The following PATJ variants were observed in gnomAD, a reference collection of about 807,000 sequenced individuals.
PATJ encodes the protein PATJ crumbs cell polarity complex component.
Under a neutral mutation model 224.9 loss-of-function variants are expected in PATJ, and 190 were observed. The ratio of observed to expected loss-of-function variants is 0.84; its 90% CI spans 0.75 to 0.95. The LOEUF is 0.95. Ranked by LOEUF, PATJ falls within the 40% of genes least tolerant of loss-of-function variation. The probability of loss-of-function intolerance (pLI) is 0.00; values close to 1 mark genes in which losing one functional copy is unlikely to be tolerated. For synonymous variants in PATJ, 769 were observed against 820.3 expected, an observed-to-expected ratio of 0.94 and a Z score of 1.07; for missense variants, 2,121 against 2,270.3, an observed-to-expected ratio of 0.93 and a Z score of 1.34.
intron 1 of PATJ, 73 bp from the exon 2 acceptor site, chr1:61,762,785 C>T (rs1414078450): frequency 1.5e-6 from 1 of 651,406 alleles, no homozygotes; most frequent in Non-Finnish European, 2.6e-6. Context: ...TGAGGTTTTC[C>T]TTAATTTTTC....
intron 16 of PATJ, among the ~76,000 whole-genome samples, chr1:61,827,798 T>C (rs971955819): frequency 2.0e-5 from 3 of 152,248 alleles, no homozygotes; most frequent in African/African-American, 7.2e-5. Context: ...GCAACATTGA[T>C]GCACATGGAT....
chr1:61,991,717 A>C, intron 28 of PATJ: 39 of 984,328 alleles, frequency 4.0e-5, no homozygotes, highest in Non-Finnish European at 4.7e-5. Context: ...ATTGGGTCGT[A>C]ACACTGACTA....
At chr1:61,871,314 C>T (rs1407704721) in intron 20 of PATJ, among the ~76,000 whole-genome samples, 5 of 130,228 alleles carry the variant, frequency 3.8e-5, no homozygotes, top group Non-Finnish European at 8.6e-5. Context: ...CAGGTTCAAG[C>T]GATTCTCCTG....
chr1:62,101,299 T>C (rs1662144806), intron 33 of PATJ, among the ~76,000 whole-genome samples: 2 of 147,708 alleles, frequency 1.4e-5, no homozygotes, highest in South Asian at 4.7e-4. Flanking sequence ...AGTCTCGCTC[T>C]GTCACCCAGG....
chr1:62,153,679 G>A (rs1036477146), intron 43 of PATJ, among the ~76,000 whole-genome samples, 198 bp downstream of exon 43: 7 of 152,148 alleles, frequency 4.6e-5, no homozygotes, highest in African/African-American at 1.7e-4. Flanking sequence ...CACAAGAAGT[G>A]CAGTCTCCTT....
intron 27 of PATJ, among the ~76,000 whole-genome samples, chr1:61,943,771 C>A (rs1266247897): frequency 6.6e-6 from 1 of 152,166 alleles, no homozygotes; most frequent in Admixed American, 6.5e-5. Flanking sequence ...GATCTGAGAA[C>A]AGACAGACTG....
chr1:61,831,187 C>CAAAAAA, intron 16 of PATJ, among the ~76,000 whole-genome samples: 1 of 65,304 alleles, frequency 1.5e-5, no homozygotes. Context: ...GACTCTGTCT[C>CAAAAAA]AAAAAAAAAA....
chr1:61,811,479 C>T (rs1458999207), intron 14 of PATJ, among the ~76,000 whole-genome samples: 1 of 151,928 alleles, frequency 6.6e-6, no homozygotes, highest in Non-Finnish European at 1.5e-5. Context: ...AAGCCTTGGC[C>T]TCCTAAAGTG....
chr1:61,920,323 T>C (rs1674099336), intron 26 of PATJ, among the ~76,000 whole-genome samples: 1 of 152,096 alleles, frequency 6.6e-6, no homozygotes, highest in Non-Finnish European at 1.5e-5. Context: ...AATTGAATCA[T>C]GGGGGCGGGT....
intron 28 of PATJ, among the ~76,000 whole-genome samples, chr1:61,995,737 G>A (rs987481912): frequency 1.4e-4 from 22 of 152,180 alleles, no homozygotes; most frequent in Admixed American, 6.5e-5. Context: ...ATTTCAAAAG[G>A]CATTAACATA....
chr1:62,088,819 A>G (rs1392317743), intron 33 of PATJ, among the ~76,000 whole-genome samples: 1 of 148,064 alleles, frequency 6.8e-6, no homozygotes, highest in Admixed American at 6.8e-5. Flanking sequence ...TAGAATATAT[A>G]GAACATATAT....
At chr1:62,043,084 GTT>G (rs1301570127) in intron 30 of PATJ, among the ~76,000 whole-genome samples, 7 of 152,282 alleles carry the variant, frequency 4.6e-5, no homozygotes, top group Admixed American at 4.6e-4. Flanking sequence ...GACTATGTGG[GTT>G]TTGGTTTTGG....
chr1:62,035,306 T>C (rs913280668), intron 29 of PATJ, among the ~76,000 whole-genome samples: 1 of 152,238 alleles, frequency 6.6e-6, no homozygotes, highest in Non-Finnish European at 1.5e-5. Context: ...TTCTCCCAAT[T>C]GCTTTGGTTT....
chr1:62,066,166 A>G (rs1384123548), intron 31 of PATJ, among the ~76,000 whole-genome samples: 1 of 152,146 alleles, frequency 6.6e-6, no homozygotes. Context: ...AACAGCAGCT[A>G]ATGCTTTCAT....
chr1:61,829,734 T>A (rs1311719303), intron 16 of PATJ, among the ~76,000 whole-genome samples: 1 of 152,236 alleles, frequency 6.6e-6, no homozygotes, highest in East Asian at 1.9e-4. Flanking sequence ...TCCATCTGTC[T>A]CTTTTTTCAT....
At chr1:62,054,752 T>A (rs1654254598) in intron 31 of PATJ, among the ~76,000 whole-genome samples, 1 of 152,182 alleles carries the variant, frequency 6.6e-6, no homozygotes, top group Admixed American at 6.5e-5. Flanking sequence ...ATTGGCTTAA[T>A]TTTTTTAATA....
intron 24 of PATJ, among the ~76,000 whole-genome samples, chr1:61,905,052 A>G (rs186688641): frequency 3.0e-4 from 45 of 151,106 alleles, no homozygotes; most frequent in Admixed American, 2.0e-3. Context: ...GAGACCCTCT[A>G]TCTACAAAGA....
At position 61,818,732 on chromosome 1, in the gene PATJ, TGTG is replaced by T. The variant is rs747457310; in HGVS notation, c.1684-4209_1684-4207del. ...CACCATTTAAGTTTTCTAGGGAGCA[TGTG>T]GTGTTTACAGATACCTGGGGGAATA... On this transcript the variant is annotated intron_variant, in intron 14 of 43. Coordinates refer to ENST00000642238, the MANE Select transcript of PATJ (RefSeq NM_001350145.3). Among the ~76,000 whole-genome samples, 130 of 152,284 alleles carry T rather than the reference TGTG, an allele frequency of 8.5e-4. 1 individual carries two copies. The highest frequency in any genetic ancestry group is 3.8e-3 in the Admixed American group (58 of 15,296).
rs1134767 is a variant in PATJ at position 61,990,342 on chromosome 1, G to A, written c.3845G>A (p.Arg1282His). 0.42 allele frequency: 670,853 copies of A among 1,609,812 alleles called. 142,474 individuals are homozygous for A. The highest frequency in any genetic ancestry group is 0.51 in the African/African-American group (38,161 of 74,816). The change falls in exon 28 of 44, where the codon CGT (arginine) becomes CAT (histidine). Residue 1282 changes from arginine to histidine, a missense_variant. Arg to His is a conservative substitution (Grantham distance 29). Transcript: ENST00000642238. The stretch of plus-strand genomic sequence containing the variant: ...CCTGCTGCCGCAGATGGACGAATGC[G>A]TATTGGAGATGAACTCTTAGAGGTG... ...EGPAAADGRM[R>H]IGDELLEINN...
Sources: gnomAD v4.1 joint callset for allele counts (sites outside exome capture counted in the v4.1 genomes callset) on GRCh38, gnomAD v4.1.1 for gene constraint, MANE v1.5 for transcripts, NCBI Gene and HGNC (gene_info 2026-07-23, HGNC 2026-07-21) for gene names.